RFX3: variants seen among roughly 807,000 people sequenced by gnomAD.
RFX3 encodes the protein transcription factor RFX3.
In RFX3, 14 loss-of-function variants were observed where a neutral mutation model predicts 98.6. The observed-to-expected ratio is 0.14, with a 90% confidence interval of 0.09 to 0.22. The LOEUF is 0.22. Ranked by LOEUF, RFX3 falls within the 10% of genes least tolerant of loss-of-function variation. The pLI, the probability that RFX3 is intolerant of heterozygous loss-of-function variation, is 1.00. For synonymous variants in RFX3, 383 were observed against 328.4 expected (o/e 1.17, Z -1.80); for missense variants, 639 against 926.9 (o/e 0.69, Z 4.03).
chr9:3,386,294 A>G (rs1008983894), intron 2 of RFX3, among the ~76,000 whole-genome samples: 1 of 152,138 alleles, frequency 6.6e-6, no homozygotes, highest in South Asian at 2.1e-4. Flanking sequence ...TTCTACTACT[A>G]TTACTACTAT....
chr9:3,334,986 G>T (rs1046659096), intron 3 of RFX3, among the ~76,000 whole-genome samples: 2 of 152,032 alleles, frequency 1.3e-5, no homozygotes, highest in Admixed American at 6.6e-5. Flanking sequence ...GCCAGGCATG[G>T]TGGCACGCAC....
At chr9:3,234,643 C>T (rs920901967) in intron 15 of RFX3, among the ~76,000 whole-genome samples, 41 of 151,240 alleles carry the variant, frequency 2.7e-4, no homozygotes, top group African/African-American at 9.8e-4. Flanking sequence ...AGTCTCAAAA[C>T]AAACAAACAA....
intron 2 of RFX3, among the ~76,000 whole-genome samples, chr9:3,359,675 C>A (rs985776279): frequency 2.6e-5 from 4 of 152,234 alleles, no homozygotes; most frequent in African/African-American, 7.2e-5. Flanking sequence ...TATTCAATAA[C>A]AAACAATGCC....
chr9:3,456,171 C>T (rs1029648989), intron 1 of RFX3, among the ~76,000 whole-genome samples: 3 of 152,148 alleles, frequency 2.0e-5, no homozygotes, highest in Admixed American at 6.5e-5. Flanking sequence ...ATCCCATGCT[C>T]GAATAGTATC....
intron 1 of RFX3, among the ~76,000 whole-genome samples, chr9:3,432,085 C>T (rs761621836): frequency 3.3e-5 from 5 of 152,154 alleles, no homozygotes; most frequent in African/African-American, 1.2e-4. Flanking sequence ...CAATGAGAAG[C>T]TCTTTTGCCA....
chr9:3,293,400 G>A (rs1202356966), intron 5 of RFX3, 142 bp from the exon 6 acceptor site: 10 of 571,502 alleles, frequency 1.7e-5, no homozygotes, highest in Non-Finnish European at 3.0e-5. Flanking sequence ...TAATTCAGAA[G>A]GTGGTAATCT....
intron 1 of RFX3, among the ~76,000 whole-genome samples, chr9:3,443,985 T>C (rs897524203): frequency 9.8e-5 from 15 of 152,322 alleles, no homozygotes; most frequent in African/African-American, 3.6e-4. Context: ...TTTAAAACAG[T>C]GCAAACAGTC....
intron 4 of RFX3, among the ~76,000 whole-genome samples, chr9:3,319,947 A>C (rs1461981221): frequency 6.6e-6 from 1 of 152,214 alleles, no homozygotes; most frequent in African/African-American, 2.4e-5. Context: ...ATGGCTCTAA[A>C]AATTTCAAAT....
chr9:3,374,669 A>G (rs751926404), intron 2 of RFX3, among the ~76,000 whole-genome samples: 1 of 152,220 alleles, frequency 6.6e-6, no homozygotes, highest in Non-Finnish European at 1.5e-5. Flanking sequence ...CCAAATTCAT[A>G]GAAACAAAAT....
At chr9:3,346,955 G>A (rs1359099312) in intron 2 of RFX3, among the ~76,000 whole-genome samples, 191 bp from the exon 3 acceptor site, 1 of 152,194 alleles carries the variant, frequency 6.6e-6, no homozygotes, top group Non-Finnish European at 1.5e-5. Context: ...CAACATTTAT[G>A]CTGAATAAAT....
chr9:3,392,202 T>C (rs1840387990), intron 2 of RFX3, among the ~76,000 whole-genome samples: 1 of 152,130 alleles, frequency 6.6e-6, no homozygotes, highest in Non-Finnish European at 1.5e-5. Context: ...AAAATATGGA[T>C]AAACACCCAC....
intron 3 of RFX3, among the ~76,000 whole-genome samples, chr9:3,341,310 C>G (rs894377150): frequency 2.0e-5 from 3 of 151,500 alleles, no homozygotes; most frequent in Non-Finnish European, 2.9e-5. Flanking sequence ...TGCTAAATGA[C>G]GAGTTAATGG....
chr9:3,328,110 G>A (rs915127089), intron 4 of RFX3, among the ~76,000 whole-genome samples: 1 of 152,082 alleles, frequency 6.6e-6, no homozygotes, highest in African/African-American at 2.4e-5. Flanking sequence ...GGGTTTCGAA[G>A]GATGGTAGGT....
chr9:3,400,278 T>C lies in RFX3; in HGVS notation c.-8-4682A>G, dbSNP rs903541286. 4 of 821,320 alleles carry C rather than the reference T, an allele frequency of 4.9e-6. No individual in the cohort carries two copies. The African/African-American group carries it at 5.5e-5, about 11-fold the overall frequency. 50.9% of individuals were successfully genotyped at this position (821,320 alleles called of 1,614,324 possible). ...AAAGAAAAAGTTGTCAACTACTTAA[T>C]AGGAGGAATCTTATAGAATAGAGTA... On this transcript the variant is annotated intron_variant, in intron 1 of 16. Transcript: ENST00000617270.
chr9:3,440,342 C>A (rs1378845560), intron 1 of RFX3, among the ~76,000 whole-genome samples: 1 of 151,910 alleles, frequency 6.6e-6, no homozygotes, highest in African/African-American at 2.4e-5. Flanking sequence ...ATCATCTAGA[C>A]AGAAAGTTAG....
At chr9:3,467,314 A>ATG (rs1043151481) in intron 1 of RFX3, among the ~76,000 whole-genome samples, 3 of 147,134 alleles carry the variant, frequency 2.0e-5, no homozygotes, top group African/African-American at 7.5e-5. Flanking sequence ...AAATATATAT[A>ATG]TGTGTGTGTG....
chr9:3,293,917 T>C (rs767848362), intron 5 of RFX3, among the ~76,000 whole-genome samples: 4 of 152,192 alleles, frequency 2.6e-5, no homozygotes, highest in Admixed American at 1.3e-4. Context: ...ACAACCATTT[T>C]AATTTTTCTA....
intron 1 of RFX3, among the ~76,000 whole-genome samples, chr9:3,411,603 G>A (rs1842472806): frequency 6.6e-6 from 1 of 151,502 alleles, no homozygotes; most frequent in Non-Finnish European, 1.5e-5. Flanking sequence ...AGCCTCCCGA[G>A]TAGCTGGGAT....
chr9:3,251,759 A>C (rs924635764), intron 14 of RFX3, among the ~76,000 whole-genome samples: 8 of 152,202 alleles, frequency 5.3e-5, no homozygotes, highest in African/African-American at 9.6e-5. Flanking sequence ...AATGTTAATA[A>C]ATCTTTTCAG....
Sources: gnomAD v4.1 joint callset for allele counts (sites outside exome capture counted in the v4.1 genomes callset) on GRCh38, gnomAD v4.1.1 for gene constraint, MANE v1.5 for transcripts, NCBI Gene and HGNC (gene_info 2026-07-23, HGNC 2026-07-21) for gene names.